KDM4C: variants seen among roughly 807,000 people sequenced by gnomAD.
KDM4C encodes the protein lysine demethylase 4C, also known as lysine-specific demethylase 4C.
KDM4C carries 81 observed loss-of-function variants against 129.3 expected under a neutral mutation model. That is an observed-to-expected ratio of 0.63 (90% confidence interval 0.52 to 0.75). The LOEUF is 0.75. KDM4C is among the 30% of genes least tolerant of loss of function. The pLI, the probability that KDM4C is intolerant of heterozygous loss-of-function variation, is 0.00. For missense variants in KDM4C, 1,457 were observed against 1,304.0 expected (o/e 1.12, Z -1.81); for synonymous variants, 573 against 456.1 (o/e 1.26, Z -3.26).
At chr9:7,071,927 A>G (rs760427952) in intron 17 of KDM4C, among the ~76,000 whole-genome samples, 2 of 152,184 alleles carry the variant, frequency 1.3e-5, no homozygotes, top group African/African-American at 4.8e-5. Flanking sequence ...TTGATAAGGA[A>G]CTTGTCTCCA....
At chr9:7,055,547 A>G (rs181289501) in intron 17 of KDM4C, among the ~76,000 whole-genome samples, 1 of 152,366 alleles carries the variant, frequency 6.6e-6, no homozygotes, top group Non-Finnish European at 1.5e-5. Flanking sequence ...ACACTTTAAA[A>G]TTTGTACCTG....
At chr9:6,768,852 A>G (rs1821171575) in intron 1 of KDM4C, among the ~76,000 whole-genome samples, 1 of 151,932 alleles carries the variant, frequency 6.6e-6, no homozygotes, top group Non-Finnish European at 1.5e-5. Flanking sequence ...TGCTCACTGC[A>G]ACCTCCACCT....
chr9:6,798,648 C>G (rs1479420699), intron 2 of KDM4C, among the ~76,000 whole-genome samples: 2 of 152,364 alleles, frequency 1.3e-5, no homozygotes, highest in East Asian at 3.9e-4. Flanking sequence ...TCTTTCCACA[C>G]AGACACAGCA....
rs771225127 is a variant in KDM4C, at chr9:7,128,066, A to G, written c.2611A>G (p.Lys871Glu). Residue 871 changes from lysine to glutamate, a missense_variant and splice_region_variant, in exon 19 of 22, where the codon AAG becomes GAG. Lys to Glu is a moderately conservative substitution (Grantham distance 56, BLOSUM62 1). Transcript: ENST00000381309. ...CFRHKVNPNV[K>E]SKACEKVISV... ...TCCTTTTTTGTGTCCCTTCTTTTAGAAGTCCAAGGCTTGCGAGAAGGTCAT... is the reference window on the plus strand; with the variant it reads ...TCCTTTTTTGTGTCCCTTCTTTTAGGAGTCCAAGGCTTGCGAGAAGGTCAT... 2.0e-6 allele frequency: 3 copies of G among 1,506,788 alleles called. No individual in the cohort carries two copies. Among genetic ancestry groups the G allele is most frequent in the Non-Finnish European group, 1.8e-6 (2 of 1,125,346 alleles). The allele number at this position is 1,506,788 out of a possible 1,614,324, so 93.3% of individuals were successfully genotyped here. A position where few individuals can be genotyped will look rare whatever the true frequency, so the allele number is the denominator to read the frequency against.
chr9:6,792,994 G>A lies in KDM4C; in HGVS notation c.6G>A (p.Glu2=), dbSNP rs146168621. The A allele has an allele frequency of 4.3e-6, 7 of 1,614,178 alleles. No individual in the cohort carries two copies. The African/African-American group carries it at 9.3e-5, about 22-fold the overall frequency. The change falls in exon 2 of 22, where the codon GAG becomes GAA. Residue 2 remains glutamate (E), a synonymous_variant. Transcript: ENST00000381309. The part of the protein sequence containing the change: M[E]VAEVESPLNP... ...CAGACACTGCCCTAACCATCATGGA[G>A]GTGGCCGAGGTGGAAAGTCCTCTGA... is the stretch of plus-strand genomic sequence containing the variant.
intron 8 of KDM4C, among the ~76,000 whole-genome samples, chr9:6,899,976 C>G (rs1563781388): frequency 6.6e-6 from 1 of 152,186 alleles, no homozygotes; most frequent in Non-Finnish European, 1.5e-5. Flanking sequence ...TGAATAACTT[C>G]TATACTCTAT....
chr9:6,956,660 A>G (rs1476865063), intron 8 of KDM4C, among the ~76,000 whole-genome samples: 2 of 152,218 alleles, frequency 1.3e-5, no homozygotes, highest in Non-Finnish European at 2.9e-5. Flanking sequence ...ACAAAAGATC[A>G]TATAATACAC....
rs1002463104 is a variant in KDM4C at position 7,107,399 on chromosome 9, G to T, written c.2610+3529G>T. Among the ~76,000 whole-genome samples, 22 of 152,330 alleles carry T rather than the reference G, an allele frequency of 1.4e-4. 1 individual carries two copies. The highest frequency in any genetic ancestry group is 3.4e-3 in the Middle Eastern group (1 of 294). On this transcript the variant is annotated intron_variant, in intron 18 of 21. Coordinates refer to ENST00000381309, the MANE Select transcript of KDM4C (RefSeq NM_015061.6). ...CTTCTGCAAAATATAGCACCACAGG[G>T]CCATCTCACACTTGAGTAAACTAGA...
rs1158199897 is a variant in KDM4C at position 6,944,652 on chromosome 9, G to GTTTTTTTTTTTTTTTTT, written c.922-36267_922-36251dup. On this transcript the variant is annotated intron_variant, in intron 8 of 21. Coordinates refer to ENST00000381309, the MANE Select transcript of KDM4C (RefSeq NM_015061.6). ...CAACACACTTTTTGTCAAGGTAGAG[G>GTTTTTTTTTTTTTTTTT]TTTTTTTTTTTTTTTTTTTTTTGCC... Among the ~76,000 whole-genome samples, 292 of 80,988 alleles carry GTTTTTTTTTTTTTTTTT rather than the reference G, an allele frequency of 3.6e-3. 46 individuals carry two copies. Among genetic ancestry groups the GTTTTTTTTTTTTTTTTT allele is most frequent in the Non-Finnish European group, 4.7e-3 (212 of 44,872 alleles). The allele number at this position is 80,988 out of a possible 152,430, so 53.1% of individuals were successfully genotyped here. A position where few individuals can be genotyped will look rare whatever the true frequency, so the allele number is the denominator to read the frequency against.
At chr9:7,149,226 G>A (rs1473245200) in intron 19 of KDM4C, among the ~76,000 whole-genome samples, 4 of 152,350 alleles carry the variant, frequency 2.6e-5, no homozygotes, top group East Asian at 3.9e-4. Context: ...GTGTGTTAGT[G>A]CCATCCTGAG....
intron 9 of KDM4C, among the ~76,000 whole-genome samples, chr9:6,983,876 G>A (rs1817215249): frequency 6.6e-6 from 1 of 150,946 alleles, no homozygotes; most frequent in Non-Finnish European, 1.5e-5. Flanking sequence ...TTTATTTTCA[G>A]ACTTTTAAAA....
rs374522029 is a variant in KDM4C at position 6,856,799 on chromosome 9, G to A, written c.629+7099G>A. On this transcript the variant is annotated intron_variant, in intron 5 of 21. Transcript: ENST00000381309. ...GGAGTCTCGCTCTGTCGCCCAGGCCGGACTGCGGACTGCAGTGGCGCAATC... is the reference window on the plus strand; with the variant it reads ...GGAGTCTCGCTCTGTCGCCCAGGCCAGACTGCGGACTGCAGTGGCGCAATC... Among the ~76,000 whole-genome samples, 658 of 140,282 alleles carry A rather than the reference G, an allele frequency of 4.7e-3. 4 individuals are homozygous for A. The highest frequency in any genetic ancestry group is 0.017 in the African/African-American group (636 of 37,428). The allele number at this position is 140,282 out of a possible 152,430, so 92.0% of individuals were successfully genotyped here.
chr9:7,099,625 C>T (rs149430381), intron 17 of KDM4C, among the ~76,000 whole-genome samples: 207 of 152,336 alleles, frequency 1.4e-3, no homozygotes, highest in African/African-American at 4.8e-3. Context: ...CCTCTTGGTT[C>T]TCAAAGTGTG....
intron 15 of KDM4C, among the ~76,000 whole-genome samples, chr9:7,045,972 T>A (rs981185628): frequency 9.2e-5 from 14 of 152,014 alleles, no homozygotes; most frequent in African/African-American, 3.4e-4. Flanking sequence ...GTAAAGAGGT[T>A]TCGTATATAA....
At chr9:6,720,929 A>C in exon 1 of KDM4C, 1 of 1,550,968 alleles carries the variant, frequency 6.4e-7, no homozygotes, top group African/African-American at 1.4e-5. Flanking sequence ...ATTCATGTGG[A>C]AGAGGCTAAA....
intron 8 of KDM4C, among the ~76,000 whole-genome samples, chr9:6,939,792 G>T (rs1825510353): frequency 6.6e-6 from 1 of 152,224 alleles, no homozygotes; most frequent in Admixed American, 6.5e-5. Flanking sequence ...TGGGTGGTCA[G>T]CAAGTGATTC....
intron 5 of KDM4C, among the ~76,000 whole-genome samples, chr9:6,873,939 AGC>A (rs942054980): frequency 1.6e-5 from 2 of 126,202 alleles, no homozygotes; most frequent in Non-Finnish European, 3.4e-5. Flanking sequence ...AGTGAGAGAG[AGC>A]GAGAGAGAGA....
intron 20 of KDM4C, among the ~76,000 whole-genome samples, chr9:7,169,418 C>G (rs1844734223): frequency 6.6e-6 from 1 of 152,224 alleles, no homozygotes; most frequent in South Asian, 2.1e-4. Flanking sequence ...TCACTACAAC[C>G]TCTGCCTCCC....
At chr9:7,051,378 T>C (rs1232708524) in intron 17 of KDM4C, among the ~76,000 whole-genome samples, 2 of 152,172 alleles carry the variant, frequency 1.3e-5, no homozygotes, top group African/African-American at 2.4e-5. Flanking sequence ...CCAGTCTTCA[T>C]TGATGTTCCA....
Sources: gnomAD v4.1 joint callset for allele counts (sites outside exome capture counted in the v4.1 genomes callset) on GRCh38, gnomAD v4.1.1 for gene constraint, MANE v1.5 for transcripts, NCBI Gene and HGNC (gene_info 2026-07-23, HGNC 2026-07-21) for gene names.